The following SHOX variants were observed in gnomAD, a reference collection of about 807,000 sequenced individuals.
The protein encoded by SHOX is short stature homeobox protein.
A neutral mutation model predicts 29.6 loss-of-function variants in SHOX; 12 were observed. The ratio of observed to expected loss-of-function variants is 0.41; its 90% CI spans 0.26 to 0.66. SHOX has a LOEUF of 0.66. Ranked by LOEUF, SHOX falls within the 30% of genes least tolerant of loss-of-function variation. The pLI, the probability that SHOX is intolerant of heterozygous loss-of-function variation, is 0.35. For missense variants in SHOX, 499 were observed against 437.7 expected, an observed-to-expected ratio of 1.14 and a Z score of -1.25; for synonymous variants, 214 against 200.6, an observed-to-expected ratio of 1.07 and a Z score of -0.57.
Position 651,194 on chromosome X carries a change from A to G in SHOX, c.*6558A>G, listed in dbSNP as rs1345152447. On this transcript the variant is annotated 3_prime_UTR_variant, in exon 5 of 5. Coordinates refer to ENST00000686671, the MANE Select transcript of SHOX (RefSeq NM_000451.4). ...TTGACATCGCGTTGCATTTATTTTT[A>G]TATTTCTGAAAACTGTTGCTTTTTC... is the stretch of plus-strand genomic sequence containing the variant. 1 of 417,460 alleles carries G rather than the reference A, an allele frequency of 2.4e-6. No individual in the cohort carries two copies. The highest frequency in any genetic ancestry group is 4.8e-6 in the Non-Finnish European group (1 of 207,432). The allele number at this position is 417,460 out of a possible 1,614,324, so 25.9% of individuals were successfully genotyped here.
In SHOX at chrX:646,693, T is replaced by C. The variant is rs1224225278; in HGVS notation, c.*2057T>C. The C allele has an allele frequency of 1.3e-5, 2 of 152,214 alleles. No homozygotes were observed. The highest frequency in any genetic ancestry group is 3.4e-3 in the Middle Eastern group (1 of 294). The allele number at this position is 152,214 out of a possible 1,614,324, so 9.4% of individuals were successfully genotyped here. ...TTCAACATTTTTTATGTCAAAATGT[T>C]ACAACCGCTGTAAAATGACGGAGAG... On this transcript the variant is annotated 3_prime_UTR_variant, in exon 5 of 5. Transcript: ENST00000686671.
chrX:634,406 G>A (rs193101938), intron 1 of SHOX, among the ~76,000 whole-genome samples: 65 of 152,314 alleles, frequency 4.3e-4, no homozygotes, highest in African/African-American at 1.4e-3. Context: ...TCTGAGATGA[G>A]GCCAAGAAAA....
At chrX:658,572 G>A (rs1374439711) in intron 5 of SHOX, among the ~76,000 whole-genome samples, 16 of 150,490 alleles carry the variant, frequency 1.1e-4, no homozygotes, top group Admixed American at 6.6e-4. Flanking sequence ...CCGGGTTCAC[G>A]CCATTCTCCT....
rs1212266161 is a variant in SHOX at position 650,163 on chromosome X, A to G, written c.*5527A>G. Among the ~76,000 whole-genome samples, 1 of 152,208 alleles carries G rather than the reference A, an allele frequency of 6.6e-6. No homozygotes were observed. The highest frequency in any genetic ancestry group is 1.5e-5 in the Non-Finnish European group (1 of 68,042). ...GTCTTCTCCAGCGCCGTGGATAAAGAGATGGGACAGATTCTGTGCCTCTGT... is the reference window on the plus strand; with the variant it reads ...GTCTTCTCCAGCGCCGTGGATAAAGGGATGGGACAGATTCTGTGCCTCTGT... On this transcript the variant is annotated 3_prime_UTR_variant, in exon 5 of 5. Coordinates refer to ENST00000686671, the MANE Select transcript of SHOX (RefSeq NM_000451.4).
upstream of SHOX, among the ~76,000 whole-genome samples, chrX:628,495 A>C (rs1332969121): frequency 9.4e-4 from 47 of 50,034 alleles, no homozygotes; most frequent in South Asian, 2.2e-3. Flanking sequence ...CTCTCTCTCC[A>C]TCTCTCTCTG....
chrX:655,750 G>A (rs181252713), downstream of SHOX, among the ~76,000 whole-genome samples: 1 of 151,642 alleles, frequency 6.6e-6, no homozygotes, highest in African/African-American at 2.4e-5. Flanking sequence ...CAAGGAAGTT[G>A]TATTGAATGA....
chrX:644,293 G>T lies in SHOX; in HGVS notation c.634-98G>T, dbSNP rs189041322. 877 of 1,392,092 alleles carry T rather than the reference G, an allele frequency of 6.3e-4. 9 individuals carry two copies. The African/African-American group carries it at 0.011, about 18-fold the overall frequency. The allele number at this position is 1,392,092 out of a possible 1,614,324, so 86.2% of individuals were successfully genotyped here. A position where few individuals can be genotyped will look rare whatever the true frequency, so the allele number is the denominator to read the frequency against. Reference sequence around the variant, plus strand: ...CTGGAGAAGGGGCGACGCTCCCTAGGGGAGAAGAGGCACGTTGGAGGTTTC... The same window carrying T: ...CTGGAGAAGGGGCGACGCTCCCTAGTGGAGAAGAGGCACGTTGGAGGTTTC... On this transcript the variant is annotated intron_variant, in intron 4 of 4. Transcript: ENST00000686671.
In SHOX at chrX:646,848, G is replaced by A. The variant is rs991883133; in HGVS notation, c.*2212G>A. 2 of 151,508 alleles carry A rather than the reference G, an allele frequency of 1.3e-5. No individual in the cohort carries two copies. Among genetic ancestry groups the A allele is most frequent in the East Asian group, 1.9e-4 (1 of 5,172 alleles). The allele number at this position is 151,508 out of a possible 1,614,324, so 9.4% of individuals were successfully genotyped here. On this transcript the variant is annotated 3_prime_UTR_variant, in exon 5 of 5. Transcript: ENST00000686671. ...TAATAGTTAAGCTGAAATTTTTATCGAAAAGAAGAATTGCATTTTGAATCT... is the reference window on the plus strand; with the variant it reads ...TAATAGTTAAGCTGAAATTTTTATCAAAAAGAAGAATTGCATTTTGAATCT...
At position 645,748 on chromosome X, in the gene SHOX, A is replaced by G. The variant is rs1300849853; in HGVS notation, c.*1112A>G. On this transcript the variant is annotated 3_prime_UTR_variant, in exon 5 of 5. Coordinates refer to ENST00000686671, the MANE Select transcript of SHOX (RefSeq NM_000451.4). ...TAAAAGAGGGCACGGTGGTGCCAAG[A>G]TATCAGTTTGGTACCTGAGCTGTTT... 2.0e-5 allele frequency: 3 copies of G among 152,160 alleles called. No individual in the cohort carries two copies. Among genetic ancestry groups the G allele is most frequent in the African/African-American group, 7.2e-5 (3 of 41,438 alleles). The allele number at this position is 152,160 out of a possible 1,614,324, so 9.4% of individuals were successfully genotyped here.
At chrX:652,021 C>T (rs2053073544), downstream of SHOX, among the ~76,000 whole-genome samples, 1 of 152,028 alleles carries the variant, frequency 6.6e-6, no homozygotes, top group South Asian at 2.1e-4. Context: ...CTCCCGGGTT[C>T]AAGCGACTCT....
chrX:657,558 AC>A (rs1569496873), intron 5 of SHOX, among the ~76,000 whole-genome samples: 2 of 151,838 alleles, frequency 1.3e-5, no homozygotes, highest in East Asian at 1.9e-4. Context: ...CTCCCCCCAC[AC>A]CCCCACACAC....
upstream of SHOX, among the ~76,000 whole-genome samples, chrX:628,779 A>C (rs1393438308): frequency 0.01 from 36 of 3,500 alleles, no homozygotes; most frequent in African/African-American, 0.016. Context: ...TTCTCTCTCT[A>C]TCTCTCCCTC....
Position 648,947 on chromosome X carries a change from C to CTTTCTTTGTTTCTTTCTT in SHOX, c.*4318_*4319insGTTTCTTTCTTTTTCTTT, listed in dbSNP as rs1228401940. ...CTTTCTTTCTCTCTTTCTTTCTTTT[C>CTTTCTTTGTTTCTTTCTT]TTTCTTTCTGTTTCTTTCCTTTTTA... On this transcript the variant is annotated 3_prime_UTR_variant, in exon 5 of 5. Coordinates refer to ENST00000686671, the MANE Select transcript of SHOX (RefSeq NM_000451.4). Among the ~76,000 whole-genome samples the CTTTCTTTGTTTCTTTCTT allele has an allele frequency of 7.2e-5, 10 of 139,358 alleles. No homozygotes were observed. Among genetic ancestry groups the CTTTCTTTGTTTCTTTCTT allele is most frequent in the Admixed American group, 3.5e-4 (5 of 14,256 alleles). 91.4% of individuals were successfully genotyped at this position (139,358 alleles called of 152,430 possible).
At chrX:635,774 C>G (rs1308777158) in intron 2 of SHOX, among the ~76,000 whole-genome samples, 2 of 151,982 alleles carry the variant, frequency 1.3e-5, no homozygotes, top group East Asian at 3.8e-4. Context: ...TCTTCCAGCC[C>G]CTGCCTGACA....
intron 4 of SHOX, among the ~76,000 whole-genome samples, chrX:643,842 G>C (rs1012379067): frequency 7.0e-6 from 1 of 143,320 alleles, no homozygotes; most frequent in Non-Finnish European, 1.5e-5. Context: ...ACCCGGGAGA[G>C]GCTTGGACAC....
intron 2 of SHOX, 123 bp downstream of exon 2, chrX:634,949 T>C (rs2052718755): frequency 2.9e-6 from 3 of 1,047,078 alleles, no homozygotes; most frequent in Non-Finnish European, 4.1e-6. Context: ...CGCGGGGAGG[T>C]TGGGTGAGGG....
chrX:648,942 C>CTTTTCTTTCTTTCTTTCT lies in SHOX; in HGVS notation c.*4320_*4321insTTCTTTTTCTTTCTTTCT, dbSNP rs764690416. ...TTTTTCTTTCTTTCTCTCTTTCTTT[C>CTTTTCTTTCTTTCTTTCT]TTTTCTTTCTTTCTGTTTCTTTCCT... On this transcript the variant is annotated 3_prime_UTR_variant, in exon 5 of 5. Coordinates refer to ENST00000686671, the MANE Select transcript of SHOX (RefSeq NM_000451.4). 1.4e-5 allele frequency among the ~76,000 whole-genome samples: 2 copies of CTTTTCTTTCTTTCTTTCT among 145,932 alleles called. No homozygotes were observed. Among genetic ancestry groups the CTTTTCTTTCTTTCTTTCT allele is most frequent in the Admixed American group, 7.0e-5 (1 of 14,246 alleles).
downstream of SHOX, among the ~76,000 whole-genome samples, chrX:652,430 G>C (rs143059485): frequency 0.025 from 3,713 of 147,166 alleles, 129 homozygotes; most frequent in East Asian, 0.098. Context: ...CTTCCCGGCT[G>C]TGATAAAAAA....
upstream of SHOX, among the ~76,000 whole-genome samples, chrX:629,394 TC>T: frequency 1.5e-5 from 1 of 66,708 alleles, no homozygotes; most frequent in Non-Finnish European, 4.0e-5. Flanking sequence ...TCTCTCTTTC[TC>T]TCTCTCCATC....
Sources: allele counts gnomAD v4.1 joint callset (sites outside exome capture counted in the v4.1 genomes callset), GRCh38; gene constraint gnomAD v4.1.1; transcripts MANE v1.5; gene names NCBI Gene and HGNC (gene_info 2026-07-23, HGNC 2026-07-21).